Variants in GRIK2 observed in about 807,000 individuals in gnomAD.
The protein encoded by GRIK2 is glutamate ionotropic receptor kainate type subunit 2.
In GRIK2, 32 loss-of-function variants were observed where a neutral mutation model predicts 100.3. That is an observed-to-expected ratio of 0.32 (90% CI 0.24 to 0.43). GRIK2 has a LOEUF of 0.43. Among genes scored for constraint, GRIK2 ranks in the 20% least tolerant of loss-of-function variants. The pLI is 1.00. For synonymous variants in GRIK2, 417 were observed against 389.4 expected (o/e 1.07, Z -0.83); for missense variants, 843 against 1,114.9 (o/e 0.76, Z 3.47).
At chr6:101,831,106 G>A (rs932476902) in intron 10 of GRIK2, among the ~76,000 whole-genome samples, 7 of 151,940 alleles carry the variant, frequency 4.6e-5, no homozygotes, top group Non-Finnish European at 2.9e-5. Context: ...TGTAACCCCT[G>A]AATCTAAAAT....
intron 7 of GRIK2, among the ~76,000 whole-genome samples, chr6:101,701,165 A>T (rs548661388): frequency 6.6e-6 from 1 of 152,236 alleles, no homozygotes; most frequent in South Asian, 2.1e-4. Context: ...GGAGAAAAAA[A>T]TTTCAGACTT....
chr6:101,528,276 T>C (rs775885792), intron 2 of GRIK2, among the ~76,000 whole-genome samples: 2 of 152,156 alleles, frequency 1.3e-5, no homozygotes, highest in Non-Finnish European at 2.9e-5. Context: ...AAGAATATTT[T>C]AGATTTTAGA....
chr6:101,900,517 C>T, intron 12 of GRIK2, among the ~76,000 whole-genome samples: 1 of 152,114 alleles, frequency 6.6e-6, no homozygotes, highest in East Asian at 1.9e-4. Flanking sequence ...AAAAGTAATA[C>T]ATGATTTCCA....
At chr6:101,743,646 T>C (rs1332406196) in intron 7 of GRIK2, among the ~76,000 whole-genome samples, 1 of 152,162 alleles carries the variant, frequency 6.6e-6, no homozygotes, top group Non-Finnish European at 1.5e-5. Flanking sequence ...ATTCTCCTTC[T>C]GGTCTTTAAA....
chr6:101,396,639 T>C (rs2852509), intron 1 of GRIK2, among the ~76,000 whole-genome samples: 32,676 of 152,104 alleles, frequency 0.21, 4,130 homozygotes, highest in African/African-American at 0.33. Context: ...TTCCAATTCC[T>C]TTACTCTGTG....
At chr6:101,716,879 C>T (rs906740333) in intron 7 of GRIK2, among the ~76,000 whole-genome samples, 5 of 151,790 alleles carry the variant, frequency 3.3e-5, no homozygotes, top group Non-Finnish European at 2.9e-5. Flanking sequence ...AACCTGAGGC[C>T]ATCTGGCTCC....
chr6:101,836,669 T>G (rs1341899297), intron 10 of GRIK2, among the ~76,000 whole-genome samples: 3 of 113,776 alleles, frequency 2.6e-5, no homozygotes, highest in African/African-American at 9.4e-5. Context: ...ATATTTTTTT[T>G]TTTTTTTTTT....
chr6:101,574,240 A>G (rs940354946), intron 2 of GRIK2, among the ~76,000 whole-genome samples: 2 of 149,474 alleles, frequency 1.3e-5, no homozygotes, highest in Admixed American at 1.3e-4. Context: ...GTGAGCTTGA[A>G]TTTTAGTTGA....
At chr6:101,396,617 A>G (rs1019680096) in intron 1 of GRIK2, among the ~76,000 whole-genome samples, 4 of 152,198 alleles carry the variant, frequency 2.6e-5, no homozygotes, top group Admixed American at 1.3e-4. Context: ...GATAATGTGA[A>G]CAATGCAATA....
chr6:101,495,475 T>C (rs557603349), intron 2 of GRIK2, among the ~76,000 whole-genome samples: 12 of 152,180 alleles, frequency 7.9e-5, no homozygotes, highest in African/African-American at 2.9e-4. Context: ...CACTGCACTC[T>C]AGCCTGGGAG....
intron 7 of GRIK2, among the ~76,000 whole-genome samples, chr6:101,714,843 T>C (rs1240204047): frequency 6.6e-6 from 1 of 151,792 alleles, no homozygotes; most frequent in Non-Finnish European, 1.5e-5. Context: ...TTTTAAAGTC[T>C]ATAATGCAAA....
chr6:101,967,263 A>ATACTT (rs1431145160), intron 14 of GRIK2, among the ~76,000 whole-genome samples: 1 of 152,036 alleles, frequency 6.6e-6, no homozygotes, highest in African/African-American at 2.4e-5. Flanking sequence ...CTTAACATTG[A>ATACTT]TACTTTATAT....
At chr6:101,708,386 TAATAA>T (rs1773481932) in intron 7 of GRIK2, among the ~76,000 whole-genome samples, 1 of 151,744 alleles carries the variant, frequency 6.6e-6, no homozygotes, top group African/African-American at 2.4e-5. Context: ...ATTATTATTT[TAATAA>T]AATATATAAA....
At chr6:101,759,487 C>T (rs1777346554) in intron 7 of GRIK2, among the ~76,000 whole-genome samples, 2 of 152,128 alleles carry the variant, frequency 1.3e-5, no homozygotes, top group Non-Finnish European at 2.9e-5. Flanking sequence ...TATTGAGCTT[C>T]ATTACACCTA....
At chr6:101,593,460 A>C (rs549801577) in intron 2 of GRIK2, among the ~76,000 whole-genome samples, 1 of 151,968 alleles carries the variant, frequency 6.6e-6, no homozygotes, top group African/African-American at 2.4e-5. Context: ...TCTTTCAAAC[A>C]TACCATGAGC....
intron 2 of GRIK2, among the ~76,000 whole-genome samples, chr6:101,457,118 G>A (rs561743772): frequency 7.2e-5 from 11 of 152,240 alleles, no homozygotes; most frequent in African/African-American, 2.4e-4. Context: ...AAGTAAAAAT[G>A]ACATGCTTGT....
intron 2 of GRIK2, among the ~76,000 whole-genome samples, chr6:101,553,410 A>G (rs1582701746): frequency 6.6e-6 from 1 of 152,316 alleles, no homozygotes; most frequent in East Asian, 1.9e-4. Flanking sequence ...TGATTCGTGA[A>G]GAATTATTTT....
intron 4 of GRIK2, among the ~76,000 whole-genome samples, chr6:101,647,287 A>G (rs1213254833): frequency 1.3e-5 from 2 of 151,514 alleles, no homozygotes; most frequent in Admixed American, 6.6e-5. Flanking sequence ...AGCTGATGCT[A>G]AACAAGAGGC....
In GRIK2 at chr6:101,882,919, C is replaced by T. The variant is rs539051866; in HGVS notation, c.1525-6721C>T. Among the ~76,000 whole-genome samples the T allele has an allele frequency of 2.5e-3, 384 of 152,064 alleles. 1 individual carries two copies. The highest frequency in any genetic ancestry group is 3.3e-3 in the Non-Finnish European group (225 of 67,970). ...TATGGTAATAACTAAAACAGTTAAT[C>T]ACAGAGATATTTATGAAACATTTTA... On this transcript the variant is annotated intron_variant, in intron 11 of 16. Transcript: ENST00000369134.
Sources: gnomAD v4.1 joint callset for allele counts (sites outside exome capture counted in the v4.1 genomes callset) on GRCh38, gnomAD v4.1.1 for gene constraint, MANE v1.5 for transcripts, NCBI Gene and HGNC (gene_info 2026-07-23, HGNC 2026-07-21) for gene names.